CPEB1: variants seen among roughly 807,000 people sequenced by gnomAD.
The protein encoded by CPEB1 is cytoplasmic polyadenylation element-binding protein 1.
In CPEB1, 7 loss-of-function variants were observed where a neutral mutation model predicts 65.8. That is an observed-to-expected ratio of 0.11 (90% CI 0.06 to 0.20). The LOEUF (loss-of-function observed/expected upper bound fraction) is 0.20. CPEB1 is among the 10% of genes least tolerant of loss of function. The pLI, the probability that CPEB1 is intolerant of heterozygous loss-of-function variation, is 1.00. For synonymous variants in CPEB1, 262 were observed against 260.0 expected (o/e 1.01, Z -0.08); for missense variants, 551 against 712.2 (o/e 0.77, Z 2.58).
intron 3 of CPEB1, 50 bp from the exon 4 acceptor site, chr15:82,571,582 C>T (rs926773565): frequency 6.4e-7 from 1 of 1,568,566 alleles, no homozygotes. Flanking sequence ...GGGCTGTTTT[C>T]CCCAATATTA....
At chr15:82,630,873 C>T (rs1056530074) in intron 1 of CPEB1, among the ~76,000 whole-genome samples, 1 of 152,138 alleles carries the variant, frequency 6.6e-6, no homozygotes, top group Non-Finnish European at 1.5e-5. Flanking sequence ...TCAGCATTGT[C>T]TTTCAATACA....
intron 3 of CPEB1, chr15:82,571,808 G>C: frequency 8.0e-7 from 1 of 1,245,740 alleles, no homozygotes; most frequent in South Asian, 2.5e-5. Context: ...CCCGCTGCCA[G>C]TGACATCAGC....
chr15:82,625,940 G>A (rs968850009), intron 3 of CPEB1, among the ~76,000 whole-genome samples: 3 of 151,606 alleles, frequency 2.0e-5, no homozygotes, highest in Admixed American at 6.6e-5. Flanking sequence ...CCAACATGGC[G>A]AAACCCCATC....
chr15:82,597,180 A>C (rs2042730002), intron 3 of CPEB1, among the ~76,000 whole-genome samples: 2 of 152,190 alleles, frequency 1.3e-5, no homozygotes, highest in African/African-American at 4.8e-5. Context: ...GAAAAAGTTA[A>C]GAGGGTGTAG....
intron 1 of CPEB1, chr15:82,629,789 T>C (rs2046086971): frequency 1.0e-6 from 1 of 985,448 alleles, no homozygotes; most frequent in Non-Finnish European, 1.2e-6. Context: ...CAATGTCATT[T>C]TGTTTGGCCT....
intron 1 of CPEB1, among the ~76,000 whole-genome samples, chr15:82,631,587 C>T (rs1007687088): frequency 5.9e-5 from 9 of 152,066 alleles, no homozygotes; most frequent in African/African-American, 1.2e-4. Flanking sequence ...GCTGAACCAA[C>T]GAATACTGTC....
intron 4 of CPEB1, among the ~76,000 whole-genome samples, chr15:82,558,451 C>G (rs1276486907): frequency 2.6e-5 from 4 of 152,222 alleles, no homozygotes; most frequent in Non-Finnish European, 5.9e-5. Flanking sequence ...CCCCAGAAAT[C>G]TGGTATAGCA....
Position 82,646,165 on chromosome 15 carries a change from A to ACTCAAAGGGAAC in CPEB1, c.-98+960_-98+971dup, listed in dbSNP as rs942847125. ...TTTTTAACCCAGCATGTGTCCCTAG[A>ACTCAAAGGGAAC]CTCAAAGGGAACATGAGCCTCAGGG... On this transcript the variant is annotated intron_variant, in intron 1 of 12. Transcript: ENST00000684509. 5.9e-5 allele frequency among the ~76,000 whole-genome samples: 9 copies of ACTCAAAGGGAAC among 152,006 alleles called. No homozygotes were observed. In the East Asian group the frequency reaches 1.7e-3, roughly 29 times the overall value.
intron 1 of CPEB1, among the ~76,000 whole-genome samples, chr15:82,633,740 A>T (rs989116332): frequency 2.6e-5 from 4 of 152,230 alleles, no homozygotes; most frequent in Non-Finnish European, 4.4e-5. Context: ...TGACACTCCT[A>T]TCATGAAACT....
intron 3 of CPEB1, among the ~76,000 whole-genome samples, chr15:82,598,394 T>C (rs375142743): frequency 6.6e-6 from 1 of 152,034 alleles, no homozygotes; most frequent in South Asian, 2.1e-4. Context: ...CTAGGGAGGC[T>C]GAAGCAGGAG....
intron 9 of CPEB1, among the ~76,000 whole-genome samples, chr15:82,549,948 G>C (rs2035956979): frequency 6.6e-6 from 1 of 152,158 alleles, no homozygotes; most frequent in Non-Finnish European, 1.5e-5. Context: ...CCAAACCCAG[G>C]AGCCCAGCAT....
chr15:82,620,578 G>A (rs1037612564), intron 3 of CPEB1, among the ~76,000 whole-genome samples: 1 of 152,080 alleles, frequency 6.6e-6, no homozygotes, highest in Non-Finnish European at 1.5e-5. Flanking sequence ...CAAGGAATTT[G>A]CTTAAGCCCA....
chr15:82,613,397 G>C (rs550723094), intron 3 of CPEB1, among the ~76,000 whole-genome samples: 1 of 152,006 alleles, frequency 6.6e-6, no homozygotes, highest in East Asian at 1.9e-4. Flanking sequence ...GTTTTGTTTT[G>C]TTTTTTTGGA....
intron 3 of CPEB1, among the ~76,000 whole-genome samples, chr15:82,615,052 A>G (rs542506224): frequency 6.6e-6 from 1 of 152,308 alleles, no homozygotes; most frequent in Non-Finnish European, 1.5e-5. Flanking sequence ...TACTATTTCT[A>G]CCTATGTGTC....
At chr15:82,630,815 A>C (rs969475147) in intron 1 of CPEB1, among the ~76,000 whole-genome samples, 2 of 152,208 alleles carry the variant, frequency 1.3e-5, no homozygotes, top group African/African-American at 4.8e-5. Context: ...GTACAGCATT[A>C]GGTATAGGAG....
At chr15:82,574,594 G>A (rs763057432) in intron 3 of CPEB1, among the ~76,000 whole-genome samples, 15 of 151,792 alleles carry the variant, frequency 9.9e-5, no homozygotes, top group Non-Finnish European at 2.1e-4. Flanking sequence ...AGTGGCACAC[G>A]CCTGCAGTCC....
intron 10 of CPEB1, chr15:82,548,772 G>T (rs1055106946): frequency 2.0e-5 from 9 of 453,666 alleles, no homozygotes; most frequent in Non-Finnish European, 3.1e-5. Flanking sequence ...CACAGTATTG[G>T]TGAGTACATG....
rs139964083 is a variant in CPEB1, at chr15:82,629,444, ACT to A, written c.-97-890_-97-889del. ...TAAGACATTACCGAATGAAAAAAGA[ACT>A]CCTATATATATATATAAAAAATCAT... On this transcript the variant is annotated intron_variant, in intron 1 of 12. Coordinates refer to ENST00000684509, the MANE Select transcript of CPEB1 (RefSeq NM_001365242.1). The A allele has an allele frequency of 4.5e-3, 4,414 of 978,742 alleles. 137 individuals carry two copies. The African/African-American group carries it at 0.071, about 16-fold the overall frequency. 60.6% of individuals were successfully genotyped at this position (978,742 alleles called of 1,614,324 possible).
intron 3 of CPEB1, among the ~76,000 whole-genome samples, chr15:82,579,012 A>G (rs533175712): frequency 6.6e-6 from 1 of 152,206 alleles, no homozygotes; most frequent in Non-Finnish European, 1.5e-5. Flanking sequence ...TAGTAGAGAC[A>G]GGGTTTCACC....
Sources: allele counts gnomAD v4.1 joint callset (sites outside exome capture counted in the v4.1 genomes callset), GRCh38; gene constraint gnomAD v4.1.1; transcripts MANE v1.5; gene names NCBI Gene and HGNC (gene_info 2026-07-23, HGNC 2026-07-21).